Variants in ST18 observed in about 807,000 individuals in gnomAD.
ST18 encodes suppression of tumorigenicity 18 protein.
In ST18, 50 loss-of-function variants were observed where a neutral mutation model predicts 110.0. That is an observed-to-expected ratio of 0.45 (90% CI 0.36 to 0.58). The LOEUF (loss-of-function observed/expected upper bound fraction) is 0.58, where lower values mean the gene tolerates loss of function less well. Ranked by LOEUF, ST18 falls within the 20% of genes least tolerant of loss-of-function variation. The probability of loss-of-function intolerance (pLI) is 0.00; values close to 1 mark genes in which losing one functional copy is unlikely to be tolerated. For missense variants in ST18, 1,306 were observed against 1,280.1 expected, an observed-to-expected ratio of 1.02 and a Z score of -0.31; for synonymous variants, 461 against 452.4, an observed-to-expected ratio of 1.02 and a Z score of -0.24.
At chr8:52,268,448 T>G (rs970990670) in intron 2 of ST18, among the ~76,000 whole-genome samples, 3 of 151,740 alleles carry the variant, frequency 2.0e-5, no homozygotes, top group Non-Finnish European at 2.9e-5. Flanking sequence ...TGTCTATCTA[T>G]CTATCGTCTA....
intron 2 of ST18, among the ~76,000 whole-genome samples, chr8:52,346,973 G>A (rs947670908): frequency 6.6e-6 from 1 of 152,130 alleles, no homozygotes; most frequent in African/African-American, 2.4e-5. Flanking sequence ...TAAGTAAAAA[G>A]CAATTTAAAC....
At chr8:52,190,570 G>C (rs2074139148) in intron 8 of ST18, among the ~76,000 whole-genome samples, 1 of 152,152 alleles carries the variant, frequency 6.6e-6, no homozygotes, top group South Asian at 2.1e-4. Flanking sequence ...TGCATGTTTT[G>C]CAGTCCCTGA....
intron 2 of ST18, among the ~76,000 whole-genome samples, chr8:52,321,998 G>A (rs1197403425): frequency 2.0e-5 from 3 of 152,198 alleles, no homozygotes; most frequent in Admixed American, 2.0e-4. Flanking sequence ...TTTGTTCCCA[G>A]CATCCTGCCT....
chr8:52,234,587 G>C (rs374387985), intron 2 of ST18, among the ~76,000 whole-genome samples: 1 of 152,020 alleles, frequency 6.6e-6, no homozygotes, highest in Admixed American at 6.6e-5. Context: ...CCCCACTACT[G>C]GGTATCTACC....
At chr8:52,196,227 C>T (rs996159887) in intron 8 of ST18, among the ~76,000 whole-genome samples, 3 of 152,164 alleles carry the variant, frequency 2.0e-5, no homozygotes, top group Non-Finnish European at 4.4e-5. Flanking sequence ...TACAAGGTTG[C>T]TCCTGGGTCA....
intron 2 of ST18, among the ~76,000 whole-genome samples, chr8:52,391,663 C>G (rs1316998940): frequency 6.6e-6 from 1 of 152,182 alleles, no homozygotes; most frequent in African/African-American, 2.4e-5. Flanking sequence ...AATAGACTGT[C>G]CCCTATAGCC....
Position 52,172,578 on chromosome 8 carries a change from T to C in ST18, c.283A>G (p.Ile95Val). ...ETHGHSTAEEIMIKPMDESLL... is the reference protein window; with the variant it reads ...ETHGHSTAEEVMIKPMDESLL... ...CTTTCATCCATAGGTTTTATCATGA[T>C]TTCCTCTATGGAAAAAGAAAACCAA... The change falls in exon 10 of 26, where the codon ATC becomes GTC. Residue 95 changes from isoleucine (I) to valine (V), a missense_variant. Physicochemically the swap from Ile to Val is conservative, Grantham distance 29. Coordinates refer to ENST00000689386, the MANE Select transcript of ST18 (RefSeq NM_001352837.2). 1 of 1,560,428 alleles carries C rather than the reference T, an allele frequency of 6.4e-7. No individual in the cohort carries two copies. Among genetic ancestry groups the C allele is most frequent in the Non-Finnish European group, 8.6e-7 (1 of 1,159,000 alleles).
intron 12 of ST18, among the ~76,000 whole-genome samples, chr8:52,164,594 A>G (rs1205983887): frequency 6.6e-6 from 1 of 152,262 alleles, no homozygotes; most frequent in African/African-American, 2.4e-5. Context: ...TGTGAATATC[A>G]AACAATCAGC....
At chr8:52,384,108 A>C (rs1159205770) in intron 2 of ST18, among the ~76,000 whole-genome samples, 1 of 152,220 alleles carries the variant, frequency 6.6e-6, no homozygotes, top group Admixed American at 6.5e-5. Flanking sequence ...CAAGTCTCTA[A>C]ATTAGAGTTG....
chr8:52,161,948 G>GC (rs2061566150), intron 13 of ST18, among the ~76,000 whole-genome samples: 1 of 152,198 alleles, frequency 6.6e-6, no homozygotes, highest in African/African-American at 2.4e-5. Flanking sequence ...GGTGGCTTAC[G>GC]CCTATAATCC....
intron 22 of ST18, among the ~76,000 whole-genome samples, chr8:52,128,790 C>T (rs2048082418): frequency 6.6e-6 from 1 of 152,158 alleles, no homozygotes; most frequent in Non-Finnish European, 1.5e-5. Context: ...AATTCCATAA[C>T]TTTCCTGTGC....
Position 52,149,938 on chromosome 8 carries a change from A to C in ST18, c.1846T>G (p.Leu616Val). ...IEVDENGTLD[L>V]SMKKNRILDK... ...AGGATTCGATTTTTTTTCATGCTTA[A>C]GTCCAATGTGCCATTTTCATCCACT... The change falls in exon 16 of 26, where the codon TTA (leucine) becomes GTA (valine). Residue 616 changes from leucine to valine, a missense_variant. Coordinates refer to ENST00000689386, the MANE Select transcript of ST18 (RefSeq NM_001352837.2). The C allele has an allele frequency of 6.2e-7, 1 of 1,614,156 alleles. No homozygotes were observed. The highest frequency in any genetic ancestry group is 8.5e-7 in the Non-Finnish European group (1 of 1,180,020).
At chr8:52,223,306 ATACATGT>A (rs2087701221) in intron 3 of ST18, among the ~76,000 whole-genome samples, 1 of 152,222 alleles carries the variant, frequency 6.6e-6, no homozygotes, top group Non-Finnish European at 1.5e-5. Context: ...TGATAATGAT[ATACATGT>A]TAATTGTATC....
intron 2 of ST18, among the ~76,000 whole-genome samples, chr8:52,263,876 GC>G (rs1285578093): frequency 7.4e-6 from 1 of 135,584 alleles, no homozygotes; most frequent in Non-Finnish European, 1.5e-5. Flanking sequence ...TTCACTCACT[GC>G]AACCTCTGCC....
chr8:52,388,995 C>G (rs1270889305), intron 2 of ST18, among the ~76,000 whole-genome samples: 1 of 141,764 alleles, frequency 7.1e-6, no homozygotes, highest in Admixed American at 7.1e-5. Flanking sequence ...AAAGAACAAG[C>G]AATACTTGGT....
intron 13 of ST18, 109 bp from the exon 14 acceptor site, chr8:52,161,677 A>G (rs895494884): frequency 1.1e-5 from 14 of 1,239,156 alleles, no homozygotes; most frequent in Non-Finnish European, 1.6e-5. Flanking sequence ...AGGTATCCAC[A>G]GAGACACTGA....
rs2083301158 is a variant in ST18 at position 52,214,249 on chromosome 8, TGCATC to T, written c.4_8del (p.Asp2ArgfsTer3). On this transcript the variant is annotated frameshift_variant, in exon 7 of 26. Transcript: ENST00000689386. LOFTEE classifies it high-confidence loss of function. The stretch of plus-strand genomic sequence containing the variant: ...TACGCAGCGTTTTATCTTCAGCCTC[TGCATC>T]CATCTATAACATGAACACAAAGTCC... The T allele has an allele frequency of 6.2e-7, 1 of 1,613,946 alleles. No homozygotes were observed. Among genetic ancestry groups the T allele is most frequent in the African/African-American group, 1.3e-5 (1 of 74,936 alleles).
chr8:52,233,128 GTAAC>G (rs2137048625), intron 2 of ST18, among the ~76,000 whole-genome samples: 1 of 152,232 alleles, frequency 6.6e-6, no homozygotes, highest in African/African-American at 2.4e-5. Context: ...TAATACCAGT[GTAAC>G]TAACCTTCTT....
In ST18 at chr8:52,111,150, AC is replaced by A. The variant is rs2040431575; in HGVS notation, c.*2047del. 2 of 391,144 alleles carry A rather than the reference AC, an allele frequency of 5.1e-6. No individual in the cohort carries two copies. Among genetic ancestry groups the A allele is most frequent in the Non-Finnish European group, 9.0e-6 (2 of 221,246 alleles). The allele number at this position is 391,144 out of a possible 1,614,324, so 24.2% of individuals were successfully genotyped here. A position where few individuals can be genotyped will look rare whatever the true frequency, so the allele number is the denominator to read the frequency against. On this transcript the variant is annotated 3_prime_UTR_variant, in exon 26 of 26. Transcript: ENST00000689386. ...AAACTATGCAAACACAAATAAATTA[AC>A]CTGAAGTCATAGCAAATTATAGTAA...
Sources: allele counts gnomAD v4.1 joint callset (sites outside exome capture counted in the v4.1 genomes callset), GRCh38; gene constraint gnomAD v4.1.1; transcripts MANE v1.5; gene names NCBI Gene and HGNC (gene_info 2026-07-23, HGNC 2026-07-21).